The following USP14 variants were observed in gnomAD, a reference collection of about 807,000 sequenced individuals.
USP14 encodes the protein ubiquitin carboxyl-terminal hydrolase 14.
USP14 carries 38 observed loss-of-function variants against 76.5 expected under a neutral mutation model. The ratio of observed to expected loss-of-function variants is 0.50; its 90% CI spans 0.38 to 0.65. The LOEUF (loss-of-function observed/expected upper bound fraction) is 0.65. Among genes scored for constraint, USP14 ranks in the 30% least tolerant of loss-of-function variants. USP14 has a pLI of 0.00. For missense variants in USP14, 467 were observed against 586.5 expected (o/e 0.80, Z 2.10); for synonymous variants, 192 against 191.7 (o/e 1.00, Z -0.01).
At position 198,079 on chromosome 18, in the gene USP14, T is replaced by G. The variant is rs1409489805; in HGVS notation, c.708T>G (p.Pro236=). ...TDSSSASAAT[P]SKKKSLIDQF... ...CCTCATCTGCATCGGCAGCGACACC[T>G]TCTAAAAAGAAAAGTTTAATCGATC... Residue 236 remains proline, a synonymous_variant, in exon 9 of 16, where the codon CCT becomes CCG. Coordinates refer to ENST00000261601, the MANE Select transcript of USP14 (RefSeq NM_005151.4). The G allele has an allele frequency of 6.2e-7, 1 of 1,611,182 alleles. No individual in the cohort carries two copies. Among genetic ancestry groups the G allele is most frequent in the Non-Finnish European group, 8.5e-7 (1 of 1,178,090 alleles).
At chr18:210,339 C>T (rs1448959446) in intron 14 of USP14, 47 bp from the exon 15 acceptor site, 4 of 1,341,474 alleles carry the variant, frequency 3.0e-6, no homozygotes. Flanking sequence ...TGAGAAGGCA[C>T]ATGTCTATTC....
rs890499915 is a variant in USP14, at chr18:203,711, G to A, written c.1035+521G>A. On this transcript the variant is annotated intron_variant, in intron 12 of 15. Coordinates refer to ENST00000261601, the MANE Select transcript of USP14 (RefSeq NM_005151.4). ...TGCAAGCTCTGCCTCCTGGGTTCAT[G>A]CCATTCTCCAGCCTCAACCTCCCGA... 2.6e-5 allele frequency among the ~76,000 whole-genome samples: 4 copies of A among 152,208 alleles called. No homozygotes were observed. The South Asian group carries it at 8.3e-4, about 32-fold the overall frequency.
intron 10 of USP14, among the ~76,000 whole-genome samples, chr18:202,197 A>G (rs74850634): frequency 0.067 from 10,216 of 152,272 alleles, 707 homozygotes; most frequent in East Asian, 0.32. Context: ...TGTAGAGTAT[A>G]TGCCAAATAT....
rs1021524263 is a variant in USP14 at position 170,406 on chromosome 18, G to C, written c.195+3587G>C. Among the ~76,000 whole-genome samples the C allele has an allele frequency of 2.0e-5, 3 of 152,304 alleles. No homozygotes were observed. The South Asian group carries it at 6.2e-4, about 32-fold the overall frequency. On this transcript the variant is annotated intron_variant, in intron 3 of 15. Coordinates refer to ENST00000261601, the MANE Select transcript of USP14 (RefSeq NM_005151.4). The stretch of plus-strand genomic sequence containing the variant: ...GTCTTTTACTTTCAACAGAAAGCTA[G>C]AAATGATTAAGCTTAGTAAAGAAGG...
chr18:198,966 G>T (rs1910315531), intron 9 of USP14, among the ~76,000 whole-genome samples: 1 of 152,148 alleles, frequency 6.6e-6, no homozygotes, highest in Non-Finnish European at 1.5e-5. Flanking sequence ...TTATAGTTTA[G>T]AGTTTATTGC....
chr18:197,059 C>G (rs191791660), intron 7 of USP14, among the ~76,000 whole-genome samples: 2 of 152,238 alleles, frequency 1.3e-5, no homozygotes, highest in African/African-American at 4.8e-5. Context: ...CCTAAATCCT[C>G]TAGCCCCTGG....
chr18:204,406 A>C (rs1244026078), intron 12 of USP14, among the ~76,000 whole-genome samples, 158 bp from the exon 13 acceptor site: 3 of 152,056 alleles, frequency 2.0e-5, no homozygotes, highest in Admixed American at 2.0e-4. Flanking sequence ...GAAAATAGGC[A>C]CTCTTAAGAG....
intron 5 of USP14, among the ~76,000 whole-genome samples, chr18:188,099 T>C (rs1909982402): frequency 6.6e-6 from 1 of 152,174 alleles, no homozygotes; most frequent in African/African-American, 2.4e-5. Context: ...TTGATTTTAA[T>C]AGGACTGTTG....
chr18:159,596 T>C (rs1229807195), intron 1 of USP14, among the ~76,000 whole-genome samples: 1 of 152,214 alleles, frequency 6.6e-6, no homozygotes, highest in Non-Finnish European at 1.5e-5. Context: ...CAAAGCATGA[T>C]ACGAATCAAG....
intron 5 of USP14, among the ~76,000 whole-genome samples, chr18:185,860 AT>A (rs34807173): frequency 0.25 from 30,929 of 125,030 alleles, 4,104 homozygotes; most frequent in Non-Finnish European, 0.32. Context: ...TGCCCAGCTG[AT>A]TTTTTTTTTT....
At chr18:173,110 TTTTTTTTTTTTTCTTTG>T in intron 3 of USP14, among the ~76,000 whole-genome samples, 1 of 151,710 alleles carries the variant, frequency 6.6e-6, no homozygotes, top group Non-Finnish European at 1.5e-5. Context: ...TGTCTGTCTT[TTTTTTTTTTTTTCTTTG>T]AGACGGAGTC....
chr18:211,395 A>G lies in USP14; in HGVS notation c.*111A>G. On this transcript the variant is annotated 3_prime_UTR_variant, in exon 16 of 16. Coordinates refer to ENST00000261601, the MANE Select transcript of USP14 (RefSeq NM_005151.4). ...CATAGGTGGGTTTATGTTTCACCTCATTTGGAACAAAAGAGGACAGAAGCA... is the reference window on the plus strand; with the variant it reads ...CATAGGTGGGTTTATGTTTCACCTCGTTTGGAACAAAAGAGGACAGAAGCA... 2.6e-6 allele frequency: 3 copies of G among 1,176,356 alleles called. No homozygotes were observed. The highest frequency in any genetic ancestry group is 2.7e-5 in the Admixed American group (1 of 36,706). The allele number at this position is 1,176,356 out of a possible 1,614,324, so 72.9% of individuals were successfully genotyped here.
intron 5 of USP14, among the ~76,000 whole-genome samples, chr18:184,448 G>C (rs1909872938): frequency 6.6e-6 from 1 of 152,160 alleles, no homozygotes; most frequent in Non-Finnish European, 1.5e-5. Context: ...TCTTTGGCAG[G>C]TTCTATAGAG....
intron 1 of USP14, among the ~76,000 whole-genome samples, chr18:162,780 T>C (rs1909156610): frequency 6.6e-6 from 1 of 152,012 alleles, no homozygotes; most frequent in Non-Finnish European, 1.5e-5. Flanking sequence ...CAAATCAATC[T>C]ACTTCTCTGA....
intron 5 of USP14, among the ~76,000 whole-genome samples, chr18:190,267 G>A (rs1910050797): frequency 6.6e-6 from 1 of 151,878 alleles, no homozygotes. Context: ...TACATTTTTG[G>A]GCACATGCAT....
At chr18:210,760 ACT>A (rs1335399909) in intron 15 of USP14, among the ~76,000 whole-genome samples, 6 of 152,220 alleles carry the variant, frequency 3.9e-5, no homozygotes, top group African/African-American at 1.4e-4. Flanking sequence ...GAGAAATGGT[ACT>A]GATTTACATT....
intron 1 of USP14, among the ~76,000 whole-genome samples, chr18:160,788 C>A (rs1909096556): frequency 6.6e-6 from 1 of 152,176 alleles, no homozygotes; most frequent in South Asian, 2.1e-4. Context: ...TTAGTGATTA[C>A]AGTATGCCTT....
chr18:171,026 A>G (rs1909438074), intron 3 of USP14, among the ~76,000 whole-genome samples: 1 of 30,746 alleles, frequency 3.3e-5, no homozygotes, highest in Admixed American at 3.5e-4. Context: ...AAAAAAAAAA[A>G]TATATATATA....
At chr18:164,437 A>G (rs1476147939) in intron 2 of USP14, among the ~76,000 whole-genome samples, 1 of 150,838 alleles carries the variant, frequency 6.6e-6, no homozygotes, top group Non-Finnish European at 1.5e-5. Context: ...CATCCTACCC[A>G]TTAACGAAGA....
Sources: gnomAD v4.1 joint callset for allele counts (sites outside exome capture counted in the v4.1 genomes callset) on GRCh38, gnomAD v4.1.1 for gene constraint, MANE v1.5 for transcripts, NCBI Gene and HGNC (gene_info 2026-07-23, HGNC 2026-07-21) for gene names.